Variants in DNAH11 observed in about 807,000 individuals in gnomAD.
DNAH11 encodes axonemal beta dynein heavy chain 11.
DNAH11 carries 442 observed loss-of-function variants against 526.0 expected under a neutral mutation model. The ratio of observed to expected loss-of-function variants is 0.84; its 90% CI spans 0.78 to 0.91. DNAH11 has a LOEUF of 0.91. DNAH11 is among the 40% of genes least tolerant of loss of function. The pLI is 0.00. For missense variants in DNAH11, 6,989 were observed against 5,448.7 expected, an observed-to-expected ratio of 1.28 and a Z score of -8.90; for synonymous variants, 2,461 against 1,935.9, an observed-to-expected ratio of 1.27 and a Z score of -7.12.
chr7:21,845,000 A>G (rs1782360934), intron 66 of DNAH11, among the ~76,000 whole-genome samples: 1 of 152,176 alleles, frequency 6.6e-6, no homozygotes, highest in Non-Finnish European at 1.5e-5. Flanking sequence ...TTGTGCACTA[A>G]TTGCCAAGCT....
At chr7:21,751,705 A>G (rs1383726246) in intron 54 of DNAH11, among the ~76,000 whole-genome samples, 2 of 152,230 alleles carry the variant, frequency 1.3e-5, no homozygotes, top group Non-Finnish European at 1.5e-5. Context: ...GAGCAGAGTC[A>G]TTAAGTTTCT....
chr7:21,777,840 G>A (rs1291557367), intron 56 of DNAH11, among the ~76,000 whole-genome samples: 2 of 152,200 alleles, frequency 1.3e-5, no homozygotes, highest in African/African-American at 2.4e-5. Context: ...GATAGAGTGT[G>A]AATATACTGT....
chr7:21,851,563 A>T (rs1782639514), intron 66 of DNAH11: 1 of 471,444 alleles, frequency 2.1e-6, no homozygotes, highest in African/African-American at 2.0e-5. Flanking sequence ...CATAATGGTT[A>T]CTTTTCCCAT....
intron 75 of DNAH11, among the ~76,000 whole-genome samples, chr7:21,883,073 A>AT (rs1161519868): frequency 6.6e-6 from 1 of 152,116 alleles, no homozygotes; most frequent in Admixed American, 6.5e-5. Context: ...CCCCTCTCTT[A>AT]TTTTTCATTC....
At chr7:21,728,037 C>T (rs1400678193) in intron 45 of DNAH11, among the ~76,000 whole-genome samples, 1 of 152,050 alleles carries the variant, frequency 6.6e-6, no homozygotes, top group Non-Finnish European at 1.5e-5. Context: ...GGCCTAATAG[C>T]CTCATTTTAA....
intron 44 of DNAH11, 139 bp downstream of exon 44, chr7:21,720,995 G>A (rs1051233481): frequency 3.6e-6 from 4 of 1,112,146 alleles, no homozygotes; most frequent in South Asian, 1.8e-5. Flanking sequence ...CTAAGTCTAT[G>A]CATTCTCTGG....
At chr7:21,787,325 T>C in intron 59 of DNAH11, 76 bp from the exon 60 acceptor site, 4 of 1,461,938 alleles carry the variant, frequency 2.7e-6, no homozygotes, top group Non-Finnish European at 3.7e-6. Flanking sequence ...TCCTAAAAGC[T>C]GATTTTAACT....
Position 21,804,827 on chromosome 7 carries a change from C to T in DNAH11, c.10166-3056C>T, listed in dbSNP as rs143096793. Among the ~76,000 whole-genome samples the T allele has an allele frequency of 7.6e-4, 116 of 152,264 alleles. No individual in the cohort carries two copies. The East Asian group carries it at 0.02, about 26-fold the overall frequency. On this transcript the variant is annotated intron_variant, in intron 62 of 81. Transcript: ENST00000409508. ...TATTTTACAAACTTAAGTACATTCA[C>T]ATCACTCCTTCACTCAGAACTCCCC...
rs529909633 is a variant in DNAH11 at position 21,887,242 on chromosome 7, T to A, written c.12507+2832T>A. On this transcript the variant is annotated intron_variant, in intron 76 of 81. Coordinates refer to ENST00000409508, the MANE Select transcript of DNAH11 (RefSeq NM_001277115.2). ...CTGTTAGGAGGATCAGTGAGTTTCT[T>A]GTTGAATAAATGAGTTTGCTCTCAG... Among the ~76,000 whole-genome samples, 10 of 152,326 alleles carry A rather than the reference T, an allele frequency of 6.6e-5. No individual in the cohort carries two copies. The South Asian group carries it at 1.7e-3, about 25-fold the overall frequency.
chr7:21,814,240 G>A (rs985161207), intron 63 of DNAH11, among the ~76,000 whole-genome samples: 5 of 152,096 alleles, frequency 3.3e-5, no homozygotes, highest in African/African-American at 9.7e-5. Flanking sequence ...AATTGCTCTG[G>A]TTTAGTCAGT....
At chr7:21,785,271 G>A (rs1788124548) in intron 58 of DNAH11, among the ~76,000 whole-genome samples, 3 of 152,164 alleles carry the variant, frequency 2.0e-5, no homozygotes, top group Non-Finnish European at 4.4e-5. Context: ...CGTTTTGTAA[G>A]TATTTTTTGA....
intron 63 of DNAH11, among the ~76,000 whole-genome samples, chr7:21,813,540 A>C (rs1789625997): frequency 6.6e-6 from 1 of 152,252 alleles, no homozygotes; most frequent in Non-Finnish European, 1.5e-5. Flanking sequence ...TATTACCTCC[A>C]CAGGAAATTA....
chr7:21,774,985 C>T (rs1231943285), intron 56 of DNAH11, among the ~76,000 whole-genome samples: 3 of 152,154 alleles, frequency 2.0e-5, no homozygotes, highest in Non-Finnish European at 4.4e-5. Flanking sequence ...GGTAACCCAC[C>T]TGTGGCTAGG....
At chr7:21,709,465 G>A (rs1784383695) in intron 40 of DNAH11, among the ~76,000 whole-genome samples, 1 of 152,126 alleles carries the variant, frequency 6.6e-6, no homozygotes, top group African/African-American at 2.4e-5. Flanking sequence ...AAAACTACCT[G>A]TTGGTTACTA....
intron 62 of DNAH11, among the ~76,000 whole-genome samples, chr7:21,803,503 A>G (rs1789092200): frequency 6.6e-6 from 1 of 152,154 alleles, no homozygotes; most frequent in Non-Finnish European, 1.5e-5. Context: ...TTATGAGAAA[A>G]GCTGATGTTT....
At chr7:21,617,025 C>A (rs946756560) in intron 22 of DNAH11, among the ~76,000 whole-genome samples, 2 of 152,208 alleles carry the variant, frequency 1.3e-5, no homozygotes, top group Non-Finnish European at 2.9e-5. Flanking sequence ...TCCCTTCATT[C>A]TTTCGGATGT....
chr7:21,841,440 A>G (rs1476400456), intron 65 of DNAH11, among the ~76,000 whole-genome samples: 1 of 152,166 alleles, frequency 6.6e-6, no homozygotes. Context: ...ATGAGGGAAA[A>G]AAACATCACT....
At chr7:21,794,022 CT>C (rs1788597312) in intron 61 of DNAH11, among the ~76,000 whole-genome samples, 1 of 152,188 alleles carries the variant, frequency 6.6e-6, no homozygotes, top group East Asian at 1.9e-4. Flanking sequence ...ATTCTTTCTT[CT>C]GCTTTACTCA....
chr7:21,592,006 T>A (rs1348964893), intron 14 of DNAH11, among the ~76,000 whole-genome samples: 1 of 152,086 alleles, frequency 6.6e-6, no homozygotes, highest in Admixed American at 6.5e-5. Context: ...AGATTTGAGT[T>A]CCTAAAACAG....
Sources: allele counts gnomAD v4.1 joint callset (sites outside exome capture counted in the v4.1 genomes callset), GRCh38; gene constraint gnomAD v4.1.1; transcripts MANE v1.5; gene names NCBI Gene and HGNC (gene_info 2026-07-23, HGNC 2026-07-21).